RARB: variants seen among roughly 807,000 people sequenced by gnomAD.
RARB encodes HBV-activated protein.
A neutral mutation model predicts 51.9 loss-of-function variants in RARB; 17 were observed. That is an observed-to-expected ratio of 0.33 (90% CI 0.22 to 0.49). The LOEUF (loss-of-function observed/expected upper bound fraction) is 0.49, where lower values mean the gene tolerates loss of function less well. RARB is among the 20% of genes least tolerant of loss of function. RARB has a pLI of 0.99. For missense variants in RARB, 369 were observed against 550.8 expected (o/e 0.67, Z 3.30); for synonymous variants, 215 against 195.4 (o/e 1.10, Z -0.84).
At chr3:25,007,604 A>C (rs1044211634) in intron 2 of RARB, among the ~76,000 whole-genome samples, 2 of 133,606 alleles carry the variant, frequency 1.5e-5, no homozygotes, top group South Asian at 2.5e-4. Context: ...AAAAAAAAAA[A>C]CAAAAAAACC....
chr3:25,199,725 T>A (rs1252614681), intron 5 of RARB, among the ~76,000 whole-genome samples: 1 of 152,196 alleles, frequency 6.6e-6, no homozygotes, highest in African/African-American at 2.4e-5. Flanking sequence ...GATAGTTTGC[T>A]GAGAATGATG....
intron 2 of RARB, among the ~76,000 whole-genome samples, chr3:24,941,610 C>G (rs747250110): frequency 6.6e-6 from 1 of 152,036 alleles, no homozygotes; most frequent in South Asian, 2.1e-4. Context: ...CCTTGTGATC[C>G]GCCCACCTCA....
At chr3:25,064,806 T>C (rs1698628259) in intron 3 of RARB, among the ~76,000 whole-genome samples, 1 of 152,186 alleles carries the variant, frequency 6.6e-6, no homozygotes. Flanking sequence ...ATGGGTCAGC[T>C]TTCCCAGGCC....
intron 4 of RARB, among the ~76,000 whole-genome samples, chr3:25,161,075 C>T (rs1287810349): frequency 6.6e-6 from 1 of 152,044 alleles, no homozygotes; most frequent in African/African-American, 2.4e-5. Flanking sequence ...TGCAGTGGCC[C>T]AATCTCGGCT....
intron 5 of RARB, among the ~76,000 whole-genome samples, chr3:25,205,075 G>C (rs149731103): frequency 3.9e-5 from 6 of 152,248 alleles, no homozygotes; most frequent in African/African-American, 1.4e-4. Context: ...GGCTCTACCC[G>C]GTTCGAGCTT....
chr3:24,970,791 T>C (rs1487400552), intron 2 of RARB, among the ~76,000 whole-genome samples: 1 of 152,016 alleles, frequency 6.6e-6, no homozygotes, highest in Admixed American at 6.6e-5. Flanking sequence ...TATTTCTGAC[T>C]GCTTGATTTA....
At chr3:25,418,518 A>G (rs1275740307) in intron 5 of RARB, among the ~76,000 whole-genome samples, 3 of 152,166 alleles carry the variant, frequency 2.0e-5, no homozygotes, top group Non-Finnish European at 4.4e-5. Context: ...AGATAAATAT[A>G]GAGCCAAGAC....
intron 5 of RARB, among the ~76,000 whole-genome samples, chr3:25,369,835 T>G (rs1706245003): frequency 6.6e-6 from 1 of 151,932 alleles, no homozygotes; most frequent in Non-Finnish European, 1.5e-5. Context: ...GGCAGGAGAA[T>G]CGCTTGAACC....
At chr3:25,362,266 C>T (rs575600891) in intron 5 of RARB, among the ~76,000 whole-genome samples, 41 of 152,316 alleles carry the variant, frequency 2.7e-4, no homozygotes, top group African/African-American at 8.7e-4. Flanking sequence ...GGTCGAACTT[C>T]CTGGCAGCTT....
intron 2 of RARB, among the ~76,000 whole-genome samples, chr3:24,918,593 T>C (rs1695153793): frequency 6.6e-6 from 1 of 152,124 alleles, no homozygotes; most frequent in Non-Finnish European, 1.5e-5. Flanking sequence ...GTACAAAATT[T>C]AGACTAGGGC....
chr3:25,142,594 T>C (rs1354766696), intron 4 of RARB, among the ~76,000 whole-genome samples: 4 of 152,146 alleles, frequency 2.6e-5, no homozygotes, highest in African/African-American at 9.7e-5. Flanking sequence ...CTGTATTTTT[T>C]TTTTTTTTGG....
intron 1 of RARB, among the ~76,000 whole-genome samples, chr3:25,430,127 A>T (rs1708144482): frequency 6.6e-6 from 1 of 152,224 alleles, no homozygotes; most frequent in South Asian, 2.1e-4. Flanking sequence ...TGAAAAATCA[A>T]TAACCATTTG....
chr3:25,194,498 CACAT>C (rs1490778269), intron 5 of RARB, among the ~76,000 whole-genome samples: 1 of 150,084 alleles, frequency 6.7e-6, no homozygotes, highest in Non-Finnish European at 1.5e-5. Flanking sequence ...TATATACACA[CACAT>C]AGTGATATAT....
chr3:25,029,056 C>G (rs1697814019), intron 2 of RARB, among the ~76,000 whole-genome samples: 2 of 152,290 alleles, frequency 1.3e-5, no homozygotes, highest in African/African-American at 4.8e-5. Context: ...GGAGCTTACC[C>G]TCAGACAGGC....
chr3:25,373,695 G>A (rs1354313456), intron 5 of RARB, among the ~76,000 whole-genome samples: 1 of 152,134 alleles, frequency 6.6e-6, no homozygotes, highest in Non-Finnish European at 1.5e-5. Context: ...AAAGGGGGCT[G>A]TAAACTCCCC....
chr3:25,515,374 C>T (rs1305033045), intron 3 of RARB, among the ~76,000 whole-genome samples: 1 of 152,132 alleles, frequency 6.6e-6, no homozygotes, highest in African/African-American at 2.4e-5. Flanking sequence ...GCAGTATCTC[C>T]TAAAGCTAAA....
chr3:25,540,893 G>GGTGT (rs1699350529), intron 3 of RARB, among the ~76,000 whole-genome samples: 1 of 74,592 alleles, frequency 1.3e-5, no homozygotes, highest in African/African-American at 1.4e-4. Flanking sequence ...CTCCTTAATG[G>GGTGT]CTGTCATGAC....
intron 2 of RARB, among the ~76,000 whole-genome samples, chr3:25,484,388 T>C (rs761964370): frequency 6.6e-6 from 1 of 152,144 alleles, no homozygotes. Flanking sequence ...TTAGGGTGTA[T>C]GTGTACGTGT....
intron 5 of RARB, among the ~76,000 whole-genome samples, chr3:25,186,491 G>C (rs1195050044): frequency 6.6e-6 from 1 of 152,056 alleles, no homozygotes; most frequent in East Asian, 1.9e-4. Flanking sequence ...GTTTAAGAAT[G>C]TTTATGGTAG....
Sources: allele counts gnomAD v4.1 joint callset (sites outside exome capture counted in the v4.1 genomes callset), GRCh38; gene constraint gnomAD v4.1.1; transcripts MANE v1.5; gene names NCBI Gene and HGNC (gene_info 2026-07-23, HGNC 2026-07-21).